The following MPHOSPH9 variants were observed in gnomAD, a reference collection of about 807,000 sequenced individuals.
MPHOSPH9 encodes the protein M-phase phosphoprotein 9.
Under a neutral mutation model 145.5 loss-of-function variants are expected in MPHOSPH9, and 88 were observed. That is an observed-to-expected ratio of 0.60 (90% CI 0.51 to 0.72). The LOEUF (loss-of-function observed/expected upper bound fraction) is 0.72, where lower values mean the gene tolerates loss of function less well. MPHOSPH9 is among the 30% of genes least tolerant of loss of function. The probability of loss-of-function intolerance (pLI) is 0.00; values close to 1 mark genes in which losing one functional copy is unlikely to be tolerated. For missense variants in MPHOSPH9, 1,238 were observed against 1,386.6 expected (o/e 0.89, Z 1.70); for synonymous variants, 435 against 486.2 (o/e 0.89, Z 1.39).
intron 15 of MPHOSPH9, among the ~76,000 whole-genome samples, chr12:123,178,444 A>C (rs764643602): frequency 2.6e-5 from 4 of 152,240 alleles, no homozygotes. Flanking sequence ...TAAAATGTCT[A>C]AATAAGGGAC....
chr12:123,196,102 C>T (rs1025185478), intron 12 of MPHOSPH9, among the ~76,000 whole-genome samples: 13 of 151,846 alleles, frequency 8.6e-5, no homozygotes, highest in African/African-American at 3.1e-4. Flanking sequence ...GTAACCCCAG[C>T]ACTTTGGGAG....
At chr12:123,210,977 C>CTTTT (rs907442708) in intron 7 of MPHOSPH9, among the ~76,000 whole-genome samples, 20 of 89,786 alleles carry the variant, frequency 2.2e-4, no homozygotes, top group South Asian at 3.6e-4. Context: ...TTTGTTTTTT[C>CTTTT]TTTTTTTTTT....
intron 1 of MPHOSPH9, among the ~76,000 whole-genome samples, chr12:123,239,067 C>T (rs961359257): frequency 6.6e-6 from 1 of 152,138 alleles, no homozygotes; most frequent in South Asian, 2.1e-4. Flanking sequence ...GTTTGAGTTC[C>T]AGACCAGCCA....
chr12:123,161,016 G>T, intron 22 of MPHOSPH9, 120 bp downstream of exon 22: 2 of 1,373,770 alleles, frequency 1.5e-6, no homozygotes, highest in Non-Finnish European at 2.0e-6. Context: ...TGCTAGCACA[G>T]CTCTGGTATG....
At chr12:123,157,034 C>A in intron 23 of MPHOSPH9, 126 bp from the exon 24 acceptor site, 1 of 565,634 alleles carries the variant, frequency 1.8e-6, no homozygotes, top group Non-Finnish European at 3.0e-6. Flanking sequence ...ATTTTGCTTT[C>A]TACACGAAAC....
intron 23 of MPHOSPH9, among the ~76,000 whole-genome samples, chr12:123,157,318 C>A (rs2043907604): frequency 6.7e-6 from 1 of 149,666 alleles, no homozygotes; most frequent in Admixed American, 6.7e-5. Context: ...GATCAAATAA[C>A]TTTCTTCTCA....
chr12:123,192,328 C>T (rs1458457168), intron 13 of MPHOSPH9, among the ~76,000 whole-genome samples: 1 of 150,730 alleles, frequency 6.6e-6, no homozygotes, highest in Non-Finnish European at 1.5e-5. Flanking sequence ...GTGGCGTGCA[C>T]CTGTAATCCC....
intron 1 of MPHOSPH9, among the ~76,000 whole-genome samples, chr12:123,238,541 C>T (rs984024922): frequency 5.3e-5 from 8 of 151,940 alleles, no homozygotes; most frequent in Non-Finnish European, 7.4e-5. Flanking sequence ...GAGACCGAGG[C>T]AGGCAGATTG....
At chr12:123,215,192 A>AGAT (rs1412840673) in intron 6 of MPHOSPH9, among the ~76,000 whole-genome samples, 6 of 152,100 alleles carry the variant, frequency 3.9e-5, no homozygotes, top group Non-Finnish European at 5.9e-5. Context: ...CAGTAAGCCG[A>AGAT]GATCGTGCCA....
At chr12:123,191,504 G>A (rs541647838) in intron 13 of MPHOSPH9, among the ~76,000 whole-genome samples, 230 of 152,222 alleles carry the variant, frequency 1.5e-3, no homozygotes, top group Non-Finnish European at 2.6e-3. Flanking sequence ...TGTTGGCCAG[G>A]CTGGTCTCGA....
chr12:123,177,461 G>A (rs778361660), intron 15 of MPHOSPH9, among the ~76,000 whole-genome samples: 45 of 152,038 alleles, frequency 3.0e-4, no homozygotes, highest in Non-Finnish European at 5.6e-4. Context: ...GCTTGAACCC[G>A]GGAGGCGGAG....
chr12:123,235,408 T>TTG (rs3038484), upstream of MPHOSPH9, among the ~76,000 whole-genome samples: 8,449 of 151,064 alleles, frequency 0.056, 337 homozygotes, highest in East Asian at 0.24. Context: ...GTAGTGAGTT[T>TTG]TGTGTGTGTG....
intron 11 of MPHOSPH9, among the ~76,000 whole-genome samples, chr12:123,198,781 G>A (rs2046084895): frequency 8.6e-6 from 1 of 116,828 alleles, no homozygotes. Context: ...CTGCACTCCA[G>A]CCTGAGTGAC....
chr12:123,237,650 G>A (rs2138743414), upstream of MPHOSPH9, among the ~76,000 whole-genome samples: 1 of 152,226 alleles, frequency 6.6e-6, no homozygotes, highest in East Asian at 1.9e-4. Context: ...TTCCTTGTTT[G>A]AGAAATAACT....
intron 22 of MPHOSPH9, 118 bp from the exon 23 acceptor site, chr12:123,160,967 CCT>C: frequency 7.5e-7 from 1 of 1,341,880 alleles, no homozygotes; most frequent in South Asian, 1.3e-5. Context: ...ACTTAATTTC[CCT>C]CTGTCAATTA....
At chr12:123,242,663 G>A (rs957856698) in intron 1 of MPHOSPH9, among the ~76,000 whole-genome samples, 3 of 152,202 alleles carry the variant, frequency 2.0e-5, no homozygotes, top group Non-Finnish European at 4.4e-5. Context: ...ACTCCAGCTG[G>A]GTGGGAGACC....
At chr12:123,179,340 G>A (rs1046324461) in intron 15 of MPHOSPH9, among the ~76,000 whole-genome samples, 1 of 152,130 alleles carries the variant, frequency 6.6e-6, no homozygotes. Context: ...TTGGCAAGCC[G>A]AGGCAGGCGG....
chr12:123,214,347 G>C (rs1012314784), intron 7 of MPHOSPH9, among the ~76,000 whole-genome samples: 3 of 152,100 alleles, frequency 2.0e-5, no homozygotes, highest in Admixed American at 2.0e-4. Context: ...AAAACCAGCT[G>C]AGGCAACATG....
chr12:123,166,152 C>T (rs1169544307), intron 17 of MPHOSPH9, among the ~76,000 whole-genome samples: 1 of 152,192 alleles, frequency 6.6e-6, no homozygotes, highest in Non-Finnish European at 1.5e-5. Context: ...GTCACCCAGG[C>T]TGGAGTGCAG....
Sources: allele counts gnomAD v4.1 joint callset (sites outside exome capture counted in the v4.1 genomes callset), GRCh38; gene constraint gnomAD v4.1.1; transcripts MANE v1.5; gene names NCBI Gene and HGNC (gene_info 2026-07-23, HGNC 2026-07-21).